Variants in AGAP1 observed in about 807,000 individuals in gnomAD.
AGAP1 encodes the protein arf-GAP with GTPase, ANK repeat and PH domain-containing protein 1.
Under a neutral mutation model 105.3 loss-of-function variants are expected in AGAP1, and 29 were observed. The ratio of observed to expected loss-of-function variants is 0.28; its 90% CI spans 0.21 to 0.38. The LOEUF (loss-of-function observed/expected upper bound fraction) is 0.38, where lower values mean the gene tolerates loss of function less well. Among genes scored for constraint, AGAP1 ranks in the 10% least tolerant of loss-of-function variants. The pLI, the probability that AGAP1 is intolerant of heterozygous loss-of-function variation, is 1.00. For missense variants in AGAP1, 998 were observed against 1,165.1 expected, an observed-to-expected ratio of 0.86 and a Z score of 2.09; for synonymous variants, 509 against 485.9, an observed-to-expected ratio of 1.05 and a Z score of -0.63.
rs1298545495 is a variant in AGAP1 at position 235,967,622 on chromosome 2, C to T, written c.1484-840C>T. On this transcript the variant is annotated intron_variant, in intron 12 of 17. Transcript: ENST00000304032. The surrounding 1 kb of genome is among the most constrained non-coding windows in gnomAD (Gnocchi z 4.7). The stretch of plus-strand genomic sequence containing the variant: ...AACTCTGACTTTGGACTTAAAGATG[C>T]TGAATCGTGAAATAAAAACTTTTCA... Among the ~76,000 whole-genome samples, 2 of 152,236 alleles carry T rather than the reference C, an allele frequency of 1.3e-5. No individual in the cohort carries two copies. The highest frequency in any genetic ancestry group is 4.8e-5 in the African/African-American group (2 of 41,460).
At chr2:235,941,032 T>C (rs2053235241) in intron 12 of AGAP1, among the ~76,000 whole-genome samples, 1 of 152,230 alleles carries the variant, frequency 6.6e-6, no homozygotes, top group African/African-American at 2.4e-5. Context: ...TTATATGATA[T>C]AATCTTCTGA....
Position 235,690,143 on chromosome 2 carries a change from A to G in AGAP1, c.164-19036A>G, listed in dbSNP as rs1470010920. On this transcript the variant is annotated intron_variant, in intron 1 of 17. Coordinates refer to ENST00000304032, the MANE Select transcript of AGAP1 (RefSeq NM_001037131.3). This position sits in a 1 kb window ranked among gnomAD's most constrained non-coding sequence, Gnocchi z 4.1. Reference sequence around the variant, plus strand: ...AGTCCCCAGGTTCCCCTCTCCCCCTACCTGAGGTACTGAGGGATCTCACTT... The same window carrying G: ...AGTCCCCAGGTTCCCCTCTCCCCCTGCCTGAGGTACTGAGGGATCTCACTT... Among the ~76,000 whole-genome samples, 3 of 151,374 alleles carry G rather than the reference A, an allele frequency of 2.0e-5. No individual in the cohort carries two copies. The highest frequency in any genetic ancestry group is 6.6e-5 in the Admixed American group (1 of 15,210).
intron 11 of AGAP1, among the ~76,000 whole-genome samples, chr2:235,917,397 A>C (rs1387560427): frequency 6.6e-6 from 1 of 152,174 alleles, no homozygotes; most frequent in African/African-American, 2.4e-5. Flanking sequence ...ATATTCAGTG[A>C]CCTAGAATAC....
intron 6 of AGAP1, among the ~76,000 whole-genome samples, chr2:235,758,300 T>G (rs1451653110): frequency 6.6e-6 from 1 of 152,200 alleles, no homozygotes; most frequent in Non-Finnish European, 1.5e-5. Flanking sequence ...TTTAATCACT[T>G]GTAGTAATGA....
chr2:236,073,509 T>A lies in AGAP1; in HGVS notation c.2114+24228T>A, dbSNP rs2058558744. On this transcript the variant is annotated intron_variant, in intron 16 of 17. Transcript: ENST00000304032. The surrounding 1 kb of genome is among the most constrained non-coding windows in gnomAD (Gnocchi z 5.4). ...AACAGCTTGCAAAACAGCTGGGGAC[T>A]GGAGATATTGGATTATACCATCTTG... 6.6e-6 allele frequency among the ~76,000 whole-genome samples: 1 copy of A among 152,174 alleles called. No individual in the cohort carries two copies. The highest frequency in any genetic ancestry group is 1.5e-5 in the Non-Finnish European group (1 of 68,014).
chr2:235,935,287 A>T (rs1245570410), intron 12 of AGAP1, among the ~76,000 whole-genome samples: 1 of 152,098 alleles, frequency 6.6e-6, no homozygotes, highest in Admixed American at 6.5e-5. Flanking sequence ...CGCACGGAGG[A>T]TTGGATCCCT....
At position 235,992,605 on chromosome 2, in the gene AGAP1, C is replaced by T. The variant is rs916673904; in HGVS notation, c.1645+23982C>T. Among the ~76,000 whole-genome samples, 3 of 152,228 alleles carry T rather than the reference C, an allele frequency of 2.0e-5. No individual in the cohort carries two copies. The highest frequency in any genetic ancestry group is 2.9e-5 in the Non-Finnish European group (2 of 68,042). On this transcript the variant is annotated intron_variant, in intron 13 of 17. Coordinates refer to ENST00000304032, the MANE Select transcript of AGAP1 (RefSeq NM_001037131.3). The surrounding 1 kb of genome is among the most constrained non-coding windows in gnomAD (Gnocchi z 4.8). ...TGTTGTGTTCTGATGTAAGAGATCACTTGTTATATTATGCTTTTTAAATGT... is the reference window on the plus strand; with the variant it reads ...TGTTGTGTTCTGATGTAAGAGATCATTTGTTATATTATGCTTTTTAAATGT...
intron 1 of AGAP1, among the ~76,000 whole-genome samples, chr2:235,576,097 C>T (rs879310345): frequency 5.3e-5 from 8 of 152,108 alleles, no homozygotes; most frequent in Admixed American, 2.6e-4. Context: ...GGTGATTTGT[C>T]GCTCCCCAGA....
intron 1 of AGAP1, among the ~76,000 whole-genome samples, chr2:235,597,201 G>A (rs1185106826): frequency 1.3e-5 from 2 of 152,238 alleles, no homozygotes; most frequent in Admixed American, 6.5e-5. Context: ...GTGGTTCAGC[G>A]TTGTCACCCT....
intron 1 of AGAP1, among the ~76,000 whole-genome samples, chr2:235,646,270 C>CAAAA (rs3056061): frequency 0.013 from 1,467 of 112,876 alleles, 32 homozygotes; most frequent in African/African-American, 0.045. Context: ...ACTCTGTCTC[C>CAAAA]AAAAAAAAAA....
At chr2:235,756,822 C>T (rs975066726) in intron 6 of AGAP1, among the ~76,000 whole-genome samples, 5 of 152,142 alleles carry the variant, frequency 3.3e-5, no homozygotes, top group South Asian at 4.1e-4. Flanking sequence ...TAATGCCTGA[C>T]GAGCTGAGGT....
intron 1 of AGAP1, among the ~76,000 whole-genome samples, chr2:235,520,257 T>C (rs1167713223): frequency 6.6e-6 from 1 of 152,228 alleles, no homozygotes; most frequent in East Asian, 1.9e-4. Flanking sequence ...TTTCCAGTTG[T>C]CTCATGATTA....
intron 9 of AGAP1, among the ~76,000 whole-genome samples, chr2:235,878,458 G>A (rs559069127): frequency 6.6e-6 from 1 of 152,242 alleles, no homozygotes; most frequent in South Asian, 2.1e-4. Flanking sequence ...CACGTTCTGG[G>A]CTAAAGTACT....
intron 1 of AGAP1, among the ~76,000 whole-genome samples, chr2:235,686,552 TATATACACACACACAC>T (rs1949393597): frequency 1.8e-5 from 1 of 54,328 alleles, no homozygotes; most frequent in African/African-American, 6.2e-5. Context: ...AGGAGATATA[TATATACACACACACAC>T]ACACACACAC....
At position 235,867,801 on chromosome 2, in the gene AGAP1, G is replaced by A. The variant is rs75360086; in HGVS notation, c.1051-15544G>A. ...CCATTTTCCGCATGGAGCTGGTGCC[G>A]TGGGGGAAGAATAGGTCACAGCTTG... On this transcript the variant is annotated intron_variant, in intron 9 of 17. Transcript: ENST00000304032. This position sits in a 1 kb window ranked among gnomAD's most constrained non-coding sequence, Gnocchi z 5.4. 0.01 allele frequency among the ~76,000 whole-genome samples: 1,555 copies of A among 152,258 alleles called. 34 individuals are homozygous for A. Among genetic ancestry groups the A allele is most frequent in the African/African-American group, 0.035 (1,474 of 41,542 alleles).
intron 6 of AGAP1, among the ~76,000 whole-genome samples, chr2:235,786,840 G>T (rs1477092586): frequency 6.6e-6 from 1 of 152,144 alleles, no homozygotes; most frequent in Non-Finnish European, 1.5e-5. Flanking sequence ...TTGTTTATAG[G>T]GTTCAGGAGA....
chr2:235,723,312 G>T lies in AGAP1; in HGVS notation c.310+5668G>T, dbSNP rs1357207141. On this transcript the variant is annotated intron_variant, in intron 3 of 17. Transcript: ENST00000304032. The surrounding 1 kb of genome is among the most constrained non-coding windows in gnomAD (Gnocchi z 6.2). ...GGTGTGTTTATGTGCTTAATATTCAGCGTCCCCCAACACAGACCCCACATG... is the reference window on the plus strand; with the variant it reads ...GGTGTGTTTATGTGCTTAATATTCATCGTCCCCCAACACAGACCCCACATG... 1.3e-5 allele frequency among the ~76,000 whole-genome samples: 2 copies of T among 152,144 alleles called. No individual in the cohort carries two copies. The highest frequency in any genetic ancestry group is 2.9e-5 in the Non-Finnish European group (2 of 68,026).
chr2:236,124,216 C>T lies in AGAP1; in HGVS notation c.*94C>T. The T allele has an allele frequency of 7.3e-7, 1 of 1,362,422 alleles. No homozygotes were observed. The highest frequency in any genetic ancestry group is 1.4e-5 in the South Asian group (1 of 72,848). The allele number at this position is 1,362,422 out of a possible 1,614,324, so 84.4% of individuals were successfully genotyped here. ...TCGCAGCACGTGAGTCCCGTCGCAT[C>T]CCCTCCCTCTTCCTGGTGGCCACCT... On this transcript the variant is annotated 3_prime_UTR_variant, in exon 18 of 18. Coordinates refer to ENST00000304032, the MANE Select transcript of AGAP1 (RefSeq NM_001037131.3). The surrounding 1 kb of genome is among the most constrained non-coding windows in gnomAD (Gnocchi z 5.1).
Position 235,751,241 on chromosome 2 carries a change from A to G in AGAP1, c.673+753A>G, listed in dbSNP as rs1953410221. Among the ~76,000 whole-genome samples the G allele has an allele frequency of 6.6e-6, 1 of 152,142 alleles. No homozygotes were observed. Among genetic ancestry groups the G allele is most frequent in the African/African-American group, 2.4e-5 (1 of 41,424 alleles). On this transcript the variant is annotated intron_variant, in intron 6 of 17. Transcript: ENST00000304032. The surrounding 1 kb of genome is among the most constrained non-coding windows in gnomAD (Gnocchi z 5.3). Reference sequence around the variant, plus strand: ...GGGTCTGGGGTAAATAAGGACTGATACTTCTAAAGCCAGTCTTTTCAAGTT... The same window carrying G: ...GGGTCTGGGGTAAATAAGGACTGATGCTTCTAAAGCCAGTCTTTTCAAGTT...
Sources: gnomAD v4.1 joint callset for allele counts (sites outside exome capture counted in the v4.1 genomes callset) on GRCh38, gnomAD v4.1.1 for gene constraint, Gnocchi (gnomAD v3.1) non-coding constraint, MANE v1.5 for transcripts, NCBI Gene and HGNC (gene_info 2026-07-23, HGNC 2026-07-21) for gene names.